Variants in EYA4 observed in about 807,000 individuals in gnomAD.
EYA4 encodes protein phosphatase EYA4.
In EYA4, 31 loss-of-function variants were observed where a neutral mutation model predicts 87.9. The ratio of observed to expected loss-of-function variants is 0.35; its 90% CI spans 0.27 to 0.48. The LOEUF is 0.48. Among genes scored for constraint, EYA4 ranks in the 20% least tolerant of loss-of-function variants. The pLI, the probability that EYA4 is intolerant of heterozygous loss-of-function variation, is 0.99. For missense variants in EYA4, 678 were observed against 761.4 expected (o/e 0.89, Z 1.29); for synonymous variants, 263 against 270.6 (o/e 0.97, Z 0.28).
intron 2 of EYA4, among the ~76,000 whole-genome samples, chr6:133,297,272 C>G (rs1779015412): frequency 6.6e-6 from 1 of 152,162 alleles, no homozygotes; most frequent in Non-Finnish European, 1.5e-5. Context: ...TTTTGTCAGA[C>G]ACTTGGAAAC....
At chr6:133,267,558 AT>A (rs1776324429) in intron 1 of EYA4, among the ~76,000 whole-genome samples, 1 of 151,710 alleles carries the variant, frequency 6.6e-6, no homozygotes, top group Admixed American at 6.6e-5. Context: ...AATTTTTTGT[AT>A]TTTAGTAGAG....
At chr6:133,507,541 A>G (rs1237379588) in intron 14 of EYA4, among the ~76,000 whole-genome samples, 1 of 152,024 alleles carries the variant, frequency 6.6e-6, no homozygotes, top group African/African-American at 2.4e-5. Flanking sequence ...CCACCCCATC[A>G]CAGGCCCCAG....
intron 3 of EYA4, among the ~76,000 whole-genome samples, chr6:133,391,984 A>G (rs994898119): frequency 2.3e-4 from 35 of 152,278 alleles, no homozygotes; most frequent in African/African-American, 7.7e-4. Context: ...TCATTTTACT[A>G]CTATAGAGAC....
At chr6:133,347,651 A>G (rs1013394098) in intron 2 of EYA4, among the ~76,000 whole-genome samples, 4 of 152,192 alleles carry the variant, frequency 2.6e-5, no homozygotes, top group African/African-American at 9.6e-5. Context: ...AGCATTTTTC[A>G]TGGATTATTT....
chr6:133,476,020 G>T (rs1795695492), intron 11 of EYA4, among the ~76,000 whole-genome samples: 1 of 152,028 alleles, frequency 6.6e-6, no homozygotes, highest in Non-Finnish European at 1.5e-5. Context: ...TTAATTTATT[G>T]TTTAACTGAC....
chr6:133,478,619 G>C (rs1360581901), intron 11 of EYA4, among the ~76,000 whole-genome samples: 1 of 152,110 alleles, frequency 6.6e-6, no homozygotes, highest in Admixed American at 6.5e-5. Flanking sequence ...AATAAATGTA[G>C]AGTTACCCTT....
rs1030033025 is a variant in EYA4, at chr6:133,283,899, A to G, written c.33+9086A>G. On this transcript the variant is annotated intron_variant, in intron 2 of 19. Coordinates refer to ENST00000355286, the MANE Select transcript of EYA4 (RefSeq NM_004100.5). Reference sequence around the variant, plus strand: ...TATTCCTCTCTGTTTCCATATGTACATATTATTTAGCTCCCATTTATAAGT... The same window carrying G: ...TATTCCTCTCTGTTTCCATATGTACGTATTATTTAGCTCCCATTTATAAGT... 5.9e-5 allele frequency among the ~76,000 whole-genome samples: 9 copies of G among 152,226 alleles called. No individual in the cohort carries two copies. The South Asian group carries it at 6.2e-4, about 11-fold the overall frequency.
intron 13 of EYA4, among the ~76,000 whole-genome samples, chr6:133,489,680 A>G (rs1203224838): frequency 6.6e-6 from 1 of 152,198 alleles, no homozygotes; most frequent in African/African-American, 2.4e-5. Flanking sequence ...TCCTTCAAAC[A>G]TGAAGGAGAA....
At chr6:133,258,478 G>A (rs985217401) in intron 1 of EYA4, among the ~76,000 whole-genome samples, 1 of 151,866 alleles carries the variant, frequency 6.6e-6, no homozygotes, top group Admixed American at 6.6e-5. Context: ...TTTTTTGATC[G>A]AACTGCTGGG....
At chr6:133,315,764 A>G (rs11757185) in intron 2 of EYA4, among the ~76,000 whole-genome samples, 66,526 of 151,990 alleles carry the variant, frequency 0.44, 15,266 homozygotes, top group Non-Finnish European at 0.52. Flanking sequence ...CATGAGGTAT[A>G]TGGATTCTTA....
At chr6:133,508,390 C>T (rs1473137858) in intron 14 of EYA4, among the ~76,000 whole-genome samples, 2 of 151,966 alleles carry the variant, frequency 1.3e-5, no homozygotes, top group Non-Finnish European at 2.9e-5. Flanking sequence ...CTTTCCACAA[C>T]TTGAATTTTT....
Position 133,301,365 on chromosome 6 carries a change from C to T in EYA4, c.33+26552C>T, listed in dbSNP as rs556453379. Among the ~76,000 whole-genome samples, 8 of 152,208 alleles carry T rather than the reference C, an allele frequency of 5.3e-5. No homozygotes were observed. In the East Asian group the frequency reaches 1.5e-3, roughly 29 times the overall value. On this transcript the variant is annotated intron_variant, in intron 2 of 19. Transcript: ENST00000355286. Reference sequence around the variant, plus strand: ...TGTTATCTTTGGCTGGTGAGTTTTTCCTTTGTGTACATTCTGAATTTCCAG... The same window carrying T: ...TGTTATCTTTGGCTGGTGAGTTTTTTCTTTGTGTACATTCTGAATTTCCAG...
intron 2 of EYA4, among the ~76,000 whole-genome samples, chr6:133,303,901 A>G (rs1209111631): frequency 6.6e-6 from 1 of 151,090 alleles, no homozygotes; most frequent in African/African-American, 2.4e-5. Context: ...ATATGAGATT[A>G]TTAGCTCCTG....
intron 2 of EYA4, among the ~76,000 whole-genome samples, chr6:133,324,233 C>G (rs181238120): frequency 2.8e-3 from 423 of 152,242 alleles, no homozygotes; most frequent in African/African-American, 9.7e-3. Context: ...TAGTGCATCT[C>G]TTTATATGAC....
chr6:133,447,670 A>G (rs996367612), intron 4 of EYA4, among the ~76,000 whole-genome samples: 3 of 152,146 alleles, frequency 2.0e-5, no homozygotes, highest in Non-Finnish European at 4.4e-5. Context: ...TTTTCTCTGT[A>G]AGGTTGTGTG....
chr6:133,392,683 C>T, intron 3 of EYA4, among the ~76,000 whole-genome samples: 1 of 152,146 alleles, frequency 6.6e-6, no homozygotes, highest in East Asian at 1.9e-4. Flanking sequence ...CAAATACATG[C>T]ATATAAAGCC....
intron 2 of EYA4, among the ~76,000 whole-genome samples, chr6:133,307,887 T>G (rs1423974620): frequency 6.6e-6 from 1 of 152,142 alleles, no homozygotes; most frequent in Non-Finnish European, 1.5e-5. Context: ...TGCAGCTCCC[T>G]CCCATAATCC....
intron 11 of EYA4, among the ~76,000 whole-genome samples, chr6:133,476,771 G>T (rs1216488207): frequency 1.3e-5 from 2 of 152,080 alleles, no homozygotes; most frequent in Non-Finnish European, 2.9e-5. Flanking sequence ...ATACCCAGCG[G>T]TGTGATTGCT....
chr6:133,509,335 C>CT, intron 14 of EYA4, among the ~76,000 whole-genome samples: 1 of 151,398 alleles, frequency 6.6e-6, no homozygotes, highest in South Asian at 2.1e-4. Flanking sequence ...GAGAGTAACT[C>CT]TAACATTAGC....
Sources: allele counts gnomAD v4.1 joint callset (sites outside exome capture counted in the v4.1 genomes callset), GRCh38; gene constraint gnomAD v4.1.1; transcripts MANE v1.5; gene names NCBI Gene and HGNC (gene_info 2026-07-23, HGNC 2026-07-21).